Variants in WDR35 observed in about 807,000 individuals in gnomAD.
WDR35 encodes the protein WD repeat-containing protein 35.
Under a neutral mutation model 158.3 loss-of-function variants are expected in WDR35, and 118 were observed. That is an observed-to-expected ratio of 0.75 (90% CI 0.64 to 0.87). The LOEUF is 0.87. Among genes scored for constraint, WDR35 ranks in the 40% least tolerant of loss-of-function variants. The pLI, the probability that WDR35 is intolerant of heterozygous loss-of-function variation, is 0.00. For synonymous variants in WDR35, 448 were observed against 476.1 expected (o/e 0.94, Z 0.77); for missense variants, 1,263 against 1,405.8 (o/e 0.90, Z 1.62).
At chr2:19,915,801 C>G (rs377204340) in intron 25 of WDR35, among the ~76,000 whole-genome samples, 4 of 151,314 alleles carry the variant, frequency 2.6e-5, no homozygotes, top group African/African-American at 9.7e-5. Context: ...ATGTTTCTGA[C>G]AAATATCACA....
chr2:19,980,065 G>A (rs1672335876), intron 4 of WDR35, among the ~76,000 whole-genome samples: 1 of 152,132 alleles, frequency 6.6e-6, no homozygotes, highest in Non-Finnish European at 1.5e-5. Flanking sequence ...AGTAGTCAGA[G>A]TTGAGATAAA....
chr2:19,942,538 A>G (rs1670912178), intron 16 of WDR35, among the ~76,000 whole-genome samples: 1 of 150,820 alleles, frequency 6.6e-6, no homozygotes, highest in African/African-American at 2.4e-5. Flanking sequence ...AAACATGTTT[A>G]TCATTAGAAA....
chr2:19,918,768 A>C (rs749785844), intron 25 of WDR35, among the ~76,000 whole-genome samples: 1 of 152,362 alleles, frequency 6.6e-6, no homozygotes, highest in East Asian at 1.9e-4. Context: ...AAACCTACAA[A>C]GAGACTTAGA....
At chr2:19,945,265 C>T (rs935140210) in intron 16 of WDR35, among the ~76,000 whole-genome samples, 3 of 152,016 alleles carry the variant, frequency 2.0e-5, no homozygotes, top group African/African-American at 4.8e-5. Context: ...TTAATCCCTG[C>T]CTGCACTTGC....
intron 5 of WDR35, among the ~76,000 whole-genome samples, chr2:19,976,049 T>G (rs1572363311): frequency 6.6e-6 from 1 of 152,210 alleles, no homozygotes; most frequent in Non-Finnish European, 1.5e-5. Context: ...AGAAGAGGTA[T>G]TTCCCCAGTC....
intron 12 of WDR35, among the ~76,000 whole-genome samples, chr2:19,952,273 CAT>C (rs994201027): frequency 2.6e-5 from 4 of 152,262 alleles, no homozygotes; most frequent in African/African-American, 9.6e-5. Context: ...ACTTTAAGCT[CAT>C]GTGTCTGTTT....
At chr2:19,921,564 T>G (rs575778239) in intron 25 of WDR35, among the ~76,000 whole-genome samples, 1 of 152,138 alleles carries the variant, frequency 6.6e-6, no homozygotes, top group South Asian at 2.1e-4. Flanking sequence ...TTACACCTTA[T>G]ACAAAAATTA....
At chr2:19,925,681 C>T (rs1171357009) in intron 25 of WDR35, among the ~76,000 whole-genome samples, 1 of 152,180 alleles carries the variant, frequency 6.6e-6, no homozygotes, top group Non-Finnish European at 1.5e-5. Context: ...ATTATAACTT[C>T]TGTACCTATA....
intron 5 of WDR35, among the ~76,000 whole-genome samples, chr2:19,977,271 G>A (rs1672246758): frequency 6.6e-6 from 1 of 152,224 alleles, no homozygotes; most frequent in Admixed American, 6.5e-5. Context: ...AGATATGTAT[G>A]TCTAACTATG....
At chr2:19,989,110 G>T in intron 2 of WDR35, 55 bp downstream of exon 2, 1 of 1,500,272 alleles carries the variant, frequency 6.7e-7, no homozygotes, top group Non-Finnish European at 9.3e-7. Context: ...AGACCGCACT[G>T]AACAAATAAC....
At chr2:19,928,890 T>C (rs1315010370) in intron 25 of WDR35, among the ~76,000 whole-genome samples, 2 of 151,930 alleles carry the variant, frequency 1.3e-5, no homozygotes, top group Non-Finnish European at 2.9e-5. Flanking sequence ...CACTGCAAGC[T>C]CCGCCTCCCA....
chr2:19,926,350 T>TG (rs1313738453), intron 25 of WDR35, among the ~76,000 whole-genome samples: 1 of 152,260 alleles, frequency 6.6e-6, no homozygotes, highest in Non-Finnish European at 1.5e-5. Context: ...GGTCTAGTCA[T>TG]GGTAAAGCTT....
intron 16 of WDR35, among the ~76,000 whole-genome samples, chr2:19,944,221 T>G (rs529105417): frequency 6.4e-4 from 98 of 152,196 alleles, no homozygotes; most frequent in African/African-American, 2.1e-3. Flanking sequence ...TGGGAAGGTT[T>G]TAAGAAATCC....
chr2:19,930,304 G>C, intron 25 of WDR35, 92 bp downstream of exon 25: 1 of 1,564,428 alleles, frequency 6.4e-7, no homozygotes. Context: ...AAATGTTATT[G>C]AAGGCCACAT....
rs1300691535 is a variant in WDR35 at position 19,934,541 on chromosome 2, T to C, written c.2547+930A>G. Among the ~76,000 whole-genome samples the C allele has an allele frequency of 6.6e-6, 1 of 152,104 alleles. No homozygotes were observed. The highest frequency in any genetic ancestry group is 2.4e-5 in the African/African-American group (1 of 41,456). ...ACTAAAATTTTTACTATTTTAGTTA[T>C]TTAATTATCATTATAGTTATAATTA... On this transcript the variant is annotated intron_variant, in intron 21 of 26. Coordinates refer to ENST00000281405, the MANE Select transcript of WDR35 (RefSeq NM_020779.4). This position sits in a 1 kb window ranked among gnomAD's most constrained non-coding sequence, Gnocchi z 4.6.
At chr2:19,948,108 A>C in intron 14 of WDR35, 56 bp downstream of exon 14, 1 of 1,428,960 alleles carries the variant, frequency 7.0e-7, no homozygotes, top group Non-Finnish European at 9.6e-7. Context: ...GGCTCCTACC[A>C]TATTTTTATA....
At chr2:19,930,367 A>G in intron 25 of WDR35, 29 bp downstream of exon 25, 4 of 1,614,112 alleles carry the variant, frequency 2.5e-6, no homozygotes, top group Non-Finnish European at 3.4e-6. Flanking sequence ...ATTTTCAGAC[A>G]TACTATACAC....
intron 8 of WDR35, among the ~76,000 whole-genome samples, chr2:19,973,231 A>G (rs535555899): frequency 6.6e-6 from 1 of 152,248 alleles, no homozygotes; most frequent in South Asian, 2.1e-4. Flanking sequence ...AAACAACTAT[A>G]TTATACTAAA....
At position 19,931,370 on chromosome 2, in the gene WDR35, G is replaced by A. The variant is rs147154607; in HGVS notation, c.2863C>T (p.Arg955Cys). 77 of 1,613,246 alleles carry A rather than the reference G, an allele frequency of 4.8e-5. No individual in the cohort carries two copies. Among genetic ancestry groups the A allele is most frequent in the African/African-American group, 9.3e-5 (7 of 74,882 alleles). The change falls in exon 24 of 27, where the codon CGT becomes TGT. Residue 955 changes from arginine (R) to cysteine (C), a missense_variant. Arg to Cys is a radical substitution (Grantham distance 180). Coordinates refer to ENST00000281405, the MANE Select transcript of WDR35 (RefSeq NM_020779.4). ...EEAKKGSKPL[R>C]VKKLYVLSAL... ...GACAGTACATAGAGCTTCTTGACAC[G>A]TAAAGGTTTACTTCCTTTCTTTGCC...
Sources: gnomAD v4.1 joint callset for allele counts (sites outside exome capture counted in the v4.1 genomes callset) on GRCh38, gnomAD v4.1.1 for gene constraint, Gnocchi (gnomAD v3.1) non-coding constraint, MANE v1.5 for transcripts, NCBI Gene and HGNC (gene_info 2026-07-23, HGNC 2026-07-21) for gene names.